The following CELF2 variants were observed in gnomAD, a reference collection of about 807,000 sequenced individuals.
The protein encoded by CELF2 is CUGBP Elav-like family member 2.
Under a neutral mutation model 62.6 loss-of-function variants are expected in CELF2, and 8 were observed. The ratio of observed to expected loss-of-function variants is 0.13; its 90% confidence interval spans 0.07 to 0.23. The LOEUF (loss-of-function observed/expected upper bound fraction) is 0.23. Ranked by LOEUF, CELF2 falls within the 10% of genes least tolerant of loss-of-function variation. The pLI is 1.00. For missense variants in CELF2, 333 were observed against 671.0 expected (o/e 0.50, Z 5.56); for synonymous variants, 258 against 250.0 (o/e 1.03, Z -0.30).
chr10:10,692,324 T>A, the CELF2 span, among the ~76,000 whole-genome samples: 1 of 151,740 alleles, frequency 6.6e-6, no homozygotes, highest in African/African-American at 2.4e-5. Context: ...GTTGTAGATA[T>A]GTGGCATTAT....
At chr10:11,288,616 G>A in intron 9 of CELF2, 64 bp downstream of exon 9, 1 of 1,577,300 alleles carries the variant, frequency 6.3e-7, no homozygotes, top group Non-Finnish European at 8.6e-7. Flanking sequence ...AGGTTTCCGT[G>A]CCTCCAGGTG....
At chr10:11,249,945 T>C (rs1472686870) in intron 4 of CELF2, among the ~76,000 whole-genome samples, 1 of 152,248 alleles carries the variant, frequency 6.6e-6, no homozygotes, top group Admixed American at 6.5e-5. Flanking sequence ...AGAGCTGCTC[T>C]GTCCCATAAG....
chr10:10,943,230 C>T (rs1728560427), intron 2 of CELF2, among the ~76,000 whole-genome samples: 1 of 152,188 alleles, frequency 6.6e-6, no homozygotes, highest in Non-Finnish European at 1.5e-5. Context: ...ATACTTGTCT[C>T]AGTGATTGGC....
At chr10:11,225,228 T>C (rs1589367535) in intron 3 of CELF2, among the ~76,000 whole-genome samples, 1 of 152,152 alleles carries the variant, frequency 6.6e-6, no homozygotes, top group South Asian at 2.1e-4. Flanking sequence ...AAAGGGACAC[T>C]GTGACAAAGG....
chr10:10,484,632 T>C, the CELF2 span, among the ~76,000 whole-genome samples: 1 of 151,898 alleles, frequency 6.6e-6, no homozygotes, highest in Non-Finnish European at 1.5e-5. Context: ...GCTTTTCAAC[T>C]AAAGTACTTG....
chr10:11,171,961 G>A (rs191359928), intron 2 of CELF2, among the ~76,000 whole-genome samples: 46 of 152,254 alleles, frequency 3.0e-4, no homozygotes, highest in Non-Finnish European at 5.6e-4. Context: ...AAACATGTCC[G>A]AAAGTTCACT....
At chr10:11,135,436 T>C (rs116259245) in intron 1 of CELF2, among the ~76,000 whole-genome samples, 2,517 of 152,338 alleles carry the variant, frequency 0.017, 64 homozygotes, top group African/African-American at 0.057. Flanking sequence ...CAAAAAACCA[T>C]TGAATGTCTG....
At chr10:10,873,170 A>T (rs2060864111) in intron 1 of CELF2, among the ~76,000 whole-genome samples, 1 of 152,214 alleles carries the variant, frequency 6.6e-6, no homozygotes, top group African/African-American at 2.4e-5. Context: ...AGGCTGCTGT[A>T]GGGGAGAGAG....
chr10:10,666,699 A>G, the CELF2 span, among the ~76,000 whole-genome samples: 4 of 114,772 alleles, frequency 3.5e-5, 2 homozygotes, highest in Non-Finnish European at 7.1e-5. Context: ...CGTCTCTACT[A>G]AAAATACAAA....
At chr10:11,114,758 T>C (rs1387225257) in intron 1 of CELF2, among the ~76,000 whole-genome samples, 2 of 152,216 alleles carry the variant, frequency 1.3e-5, no homozygotes, top group Admixed American at 6.5e-5. Flanking sequence ...CACAAAGATG[T>C]TTATACTCTG....
At chr10:10,918,750 T>G (rs780996274) in intron 1 of CELF2, among the ~76,000 whole-genome samples, 99 of 152,234 alleles carry the variant, frequency 6.5e-4, no homozygotes, top group Non-Finnish European at 9.6e-4. Flanking sequence ...TCTGTGTGTT[T>G]GTATATATTG....
the CELF2 span, among the ~76,000 whole-genome samples, chr10:10,522,429 A>G: frequency 7.9e-5 from 12 of 152,202 alleles, no homozygotes; most frequent in Admixed American, 3.9e-4. Context: ...TTAATATACA[A>G]TATTTTCCAA....
At chr10:11,017,476 C>G (rs935719143), upstream of CELF2, among the ~76,000 whole-genome samples, 2 of 152,206 alleles carry the variant, frequency 1.3e-5, no homozygotes, top group African/African-American at 4.8e-5. The surrounding 1 kb of genome is among the most constrained non-coding windows in gnomAD (Gnocchi z 5.5). Context: ...CTCCTATATC[C>G]TTTCGGTGAT....
the CELF2 span, among the ~76,000 whole-genome samples, chr10:10,501,647 T>C: frequency 6.6e-6 from 1 of 152,190 alleles, no homozygotes; most frequent in Non-Finnish European, 1.5e-5. Flanking sequence ...TTATCTTGTA[T>C]CCTGCAACTT....
chr10:10,905,825 C>G (rs2063295012), intron 1 of CELF2, among the ~76,000 whole-genome samples: 1 of 151,416 alleles, frequency 6.6e-6, no homozygotes, highest in Non-Finnish European at 1.5e-5. Flanking sequence ...TTGCAGTGAG[C>G]CAAGGTCATG....
intron 1 of CELF2, among the ~76,000 whole-genome samples, chr10:11,124,258 A>G (rs536733196): frequency 1.3e-4 from 20 of 152,314 alleles, no homozygotes; most frequent in African/African-American, 4.6e-4. Context: ...ATAATGAAAG[A>G]TTAGAGATGT....
At chr10:10,827,897 T>G (rs1251983424) in intron 1 of CELF2, among the ~76,000 whole-genome samples, 1 of 148,450 alleles carries the variant, frequency 6.7e-6, no homozygotes, top group Non-Finnish European at 1.5e-5. Flanking sequence ...TAAAACACCT[T>G]TAAAAATAAA....
chr10:11,020,719 G>A (rs1381882696), intron 1 of CELF2, among the ~76,000 whole-genome samples: 3 of 152,156 alleles, frequency 2.0e-5, no homozygotes, highest in Non-Finnish European at 2.9e-5. Flanking sequence ...AAGTTTGCAA[G>A]ATGTAATATG....
At chr10:10,647,540 A>G in the CELF2 span, among the ~76,000 whole-genome samples, 2 of 152,236 alleles carry the variant, frequency 1.3e-5, no homozygotes, top group African/African-American at 4.8e-5. Context: ...ACTCATCAAT[A>G]AATGATGACG....
Sources: allele counts gnomAD v4.1 joint callset (sites outside exome capture counted in the v4.1 genomes callset), GRCh38; gene constraint gnomAD v4.1.1; non-coding constraint Gnocchi (gnomAD v3.1); transcripts MANE v1.5; gene names NCBI Gene and HGNC (gene_info 2026-07-23, HGNC 2026-07-21).